The following FLNA variants were observed in gnomAD, a reference collection of about 807,000 sequenced individuals.
FLNA encodes filamin-A.
FLNA carries 7 observed loss-of-function variants against 157.6 expected under a neutral mutation model. That is an observed-to-expected ratio of 0.04 (90% CI 0.03 to 0.08). The LOEUF (loss-of-function observed/expected upper bound fraction) is 0.08, where lower values mean the gene tolerates loss of function less well. FLNA is among the 10% of genes least tolerant of loss of function. The pLI, the probability that FLNA is intolerant of heterozygous loss-of-function variation, is 1.00. For missense variants in FLNA, 1,750 were observed against 2,398.4 expected (o/e 0.73, Z 5.65); for synonymous variants, 1,103 against 1,060.8 (o/e 1.04, Z -0.77).
intron 1 of FLNA, among the ~76,000 whole-genome samples, chrX:154,372,842 G>A (rs1162064468): frequency 3.6e-5 from 4 of 110,895 alleles, no homozygotes; most frequent in African/African-American, 9.9e-5. Flanking sequence ...TGGCCAGCAC[G>A]TCATGCCCAA....
At position 154,361,910 on chromosome X, in the gene FLNA, G is replaced by A. The variant is rs185633420; in HGVS notation, c.2826+69C>T. The A allele has an allele frequency of 2.4e-3, 2,704 of 1,150,019 alleles. 7 individuals carry two copies. Among genetic ancestry groups the A allele is most frequent in the Non-Finnish European group, 2.8e-3 (2,375 of 841,142 alleles). 94.8% of individuals were successfully genotyped at this position (1,150,019 alleles called of 1,213,427 possible). A position where few individuals can be genotyped will look rare whatever the true frequency, so the allele number is the denominator to read the frequency against. ...AATGAGAGTGGGCAGAAAGTCCCTC[G>A]GAGCTGTCCCCTAGGCTGCTGCATG... On this transcript the variant is annotated intron_variant, in intron 19 of 47. Transcript: ENST00000369850.
At chrX:154,363,247 T>C (rs2148115079) in intron 15 of FLNA, among the ~76,000 whole-genome samples, 1 of 110,352 alleles carries the variant, frequency 9.1e-6, no homozygotes, top group African/African-American at 3.3e-5. Flanking sequence ...AGAAACCCCG[T>C]CTCTACTAAA....
chrX:154,366,541 C>A, intron 7 of FLNA, 21 bp downstream of exon 7: 2 of 1,206,737 alleles, frequency 1.7e-6, no homozygotes, highest in Non-Finnish European at 2.2e-6. Flanking sequence ...TCACAAGCCT[C>A]CCCCCTGGCC....
Position 154,351,871 on chromosome X carries a change from G to A in FLNA, c.6907+13C>T, listed in dbSNP as rs781785987. On this transcript the variant is annotated intron_variant, in intron 42 of 47. Transcript: ENST00000369850. ...GGCCCCACCTCCTCCAACCCCAGCCGGGTTCCCAGTACCTGGCTCCTGGAC... is the reference window on the plus strand; with the variant it reads ...GGCCCCACCTCCTCCAACCCCAGCCAGGTTCCCAGTACCTGGCTCCTGGAC... 57 of 1,208,707 alleles carry A rather than the reference G, an allele frequency of 4.7e-5. No homozygotes were observed. The highest frequency in any genetic ancestry group is 5.9e-5 in the Non-Finnish European group (53 of 894,424).
rs2148106743 is a variant in FLNA at position 154,354,401 on chromosome X, ATGG to A, written c.5393_5395del (p.Thr1798del). 4.1e-6 allele frequency: 5 copies of A among 1,211,401 alleles called. No individual in the cohort carries two copies. The highest frequency in any genetic ancestry group is 5.6e-6 in the Non-Finnish European group (5 of 895,370). On this transcript the variant is annotated inframe_deletion, in exon 33 of 48. Coordinates refer to ENST00000369850, the MANE Select transcript of FLNA (RefSeq NM_001110556.2). ...CTCACCTGTGATCTCGCCCTTCTTG[ATGG>A]TGAAGGGGATGACAAGGTCAAAGGG...
Position 154,348,922 on chromosome X carries a change from C to G in FLNA, c.7871G>C (p.Gly2624Ala). Residue 2624 changes from glycine (G) to alanine (A), a missense_variant, in exon 48 of 48, where the codon GGG becomes GCG. By Grantham distance (60) the Gly-to-Ala change is moderately conservative. Transcript: ENST00000369850. ...CCATTTGACCACCAGTGTGTACTCC[C>G]CCTTGTCCTTGAGCAGGTAGGACAC... ...YSVSYLLKDK[G>A]EYTLVVKWGD... 1 of 1,211,306 alleles carries G rather than the reference C, an allele frequency of 8.3e-7. No homozygotes were observed. Among genetic ancestry groups the G allele is most frequent in the Non-Finnish European group, 1.1e-6 (1 of 895,128 alleles).
Position 154,366,097 on chromosome X carries a change from G to T in FLNA, c.1356C>A (p.Gly452=). 1 of 1,210,281 alleles carries T rather than the reference G, an allele frequency of 8.3e-7. No homozygotes were observed. ...YRCSYQPTME[G]VHTVHVTFAG... ...CAAACGTGACGTGCACGGTGTGGAC[G>T]CCCTCCATGGTGGGCTGGTAGCTGC... The change falls in exon 9 of 48, where the codon GGC becomes GGA. Residue 452 remains glycine, a synonymous_variant. Coordinates refer to ENST00000369850, the MANE Select transcript of FLNA (RefSeq NM_001110556.2).
In FLNA at chrX:154,353,546, C is replaced by T; in HGVS notation, c.5860+8G>A. Reference sequence around the variant, plus strand: ...CCCGTTTCTGTCACTGCTCCCAGTGCCACCCACCTGTGACCCGAGCAGTGA... The same window carrying T: ...CCCGTTTCTGTCACTGCTCCCAGTGTCACCCACCTGTGACCCGAGCAGTGA... On this transcript the variant is annotated splice_region_variant and intron_variant, in intron 36 of 47. Coordinates refer to ENST00000369850, the MANE Select transcript of FLNA (RefSeq NM_001110556.2). 1 of 1,211,035 alleles carries T rather than the reference C, an allele frequency of 8.3e-7. No homozygotes were observed. Among genetic ancestry groups the T allele is most frequent in the African/African-American group, 1.7e-5 (1 of 57,974 alleles).
chrX:154,359,377 G>C lies in FLNA; in HGVS notation c.4172C>G (p.Ala1391Gly). 1.7e-6 allele frequency: 2 copies of C among 1,211,363 alleles called. No homozygotes were observed. The highest frequency in any genetic ancestry group is 3.5e-5 in the South Asian group (2 of 57,055). The change falls in exon 25 of 48, where the codon GCT (alanine) becomes GGT (glycine). Residue 1391 changes from alanine to glycine, a missense_variant. Ala to Gly is a moderately conservative substitution (Grantham distance 60, BLOSUM62 0). Around this residue, in one of 5 missense-constraint regions of FLNA, gnomAD observed 970 missense variants for 1,302.6 expected, o/e 0.74. Transcript: ENST00000369850. ...CTTGGCCTCGGAGGGGCCCTCTACAGCCAGGCCCAGGCCGCCCGTGCCAGC... is the reference window on the plus strand; with the variant it reads ...CTTGGCCTCGGAGGGGCCCTCTACACCCAGGCCCAGGCCGCCCGTGCCAGC... ...RGAGTGGLGL[A>G]VEGPSEAKMS...
In FLNA at chrX:154,364,366, C is replaced by T. The variant is rs1311379577; in HGVS notation, c.2029G>A (p.Ala677Thr). The T allele has an allele frequency of 8.3e-7, 1 of 1,209,780 alleles. No individual in the cohort carries two copies. The highest frequency in any genetic ancestry group is 1.8e-5 in the South Asian group (1 of 56,966). Residue 677 changes from alanine (A) to threonine (T), a missense_variant, in exon 14 of 48, where the codon GCA becomes ACA. Physicochemically the swap from Ala to Thr is moderately conservative, Grantham distance 58 (BLOSUM62 0). Coordinates refer to ENST00000369850, the MANE Select transcript of FLNA (RefSeq NM_001110556.2). ...PQDFHPDRVK[A>T]RGPGLEKTGV... ...GTCTTCTCCAATCCAGGCCCACGTGCCTTCACCTAGCGGGAGACCACCCAG... is the reference window on the plus strand; with the variant it reads ...GTCTTCTCCAATCCAGGCCCACGTGTCTTCACCTAGCGGGAGACCACCCAG...
intron 28 of FLNA, 40 bp from the exon 29 acceptor site, chrX:154,357,663 G>A (rs782227803): frequency 7.8e-6 from 9 of 1,153,841 alleles, no homozygotes; most frequent in South Asian, 5.5e-5. Flanking sequence ...GCCCAAGCCC[G>A]AGTAGCCCCG....
chrX:154,364,601 G>C lies in FLNA; in HGVS notation c.1947C>G (p.Cys649Trp). The change falls in exon 13 of 48, where the codon TGC becomes TGG. Residue 649 changes from cysteine to tryptophan, a missense_variant. Transcript: ENST00000369850. ...GGCTGAGGCGGATGTCTTCGCTGTT[G>C]CACAGCACGTGAACGGCATACTCGC... ...EAGEYAVHVL[C>W]NSEDIRLSPF... 1 of 1,211,067 alleles carries C rather than the reference G, an allele frequency of 8.3e-7. No individual in the cohort carries two copies. Among genetic ancestry groups the C allele is most frequent in the Non-Finnish European group, 1.1e-6 (1 of 895,376 alleles).
rs781892077 is a variant in FLNA, at chrX:154,352,834, T to C, written c.6317A>G (p.Tyr2106Cys). ...DLEDGTCRVT[Y>C]CPTEPGNYII... Reference sequence around the variant, plus strand: ...GTAGTTGCCTGGCTCTGTGGGGCAGTAGGTGACCCTGCACGTCCCGTCCTC... The same window carrying C: ...GTAGTTGCCTGGCTCTGTGGGGCAGCAGGTGACCCTGCACGTCCCGTCCTC... The change falls in exon 39 of 48, where the codon TAC becomes TGC. Residue 2106 changes from tyrosine (Y) to cysteine (C), a missense_variant. Physicochemically the swap from Tyr to Cys is radical, Grantham distance 194. Coordinates refer to ENST00000369850, the MANE Select transcript of FLNA (RefSeq NM_001110556.2). 5.0e-6 allele frequency: 6 copies of C among 1,211,110 alleles called. No homozygotes were observed. The East Asian group carries it at 8.9e-5, about 18-fold the overall frequency.
At chrX:154,349,604 G>A in intron 46 of FLNA, 39 bp from the exon 47 acceptor site, 2 of 1,210,073 alleles carry the variant, frequency 1.7e-6, no homozygotes, top group Non-Finnish European at 2.2e-6. Flanking sequence ...GGTGGCTGTG[G>A]TGCCGGGCGT....
At chrX:154,363,002 T>C (rs1557178439) in intron 15 of FLNA, among the ~76,000 whole-genome samples, 1 of 112,868 alleles carries the variant, frequency 8.9e-6, no homozygotes, top group African/African-American at 3.2e-5. Flanking sequence ...ACACCTGGAC[T>C]CACTGTTAAC....
chrX:154,368,720 T>G (rs782408574), intron 2 of FLNA, among the ~76,000 whole-genome samples: 6 of 112,513 alleles, frequency 5.3e-5, no homozygotes, highest in Non-Finnish European at 1.1e-4. Context: ...AGACTCAAGC[T>G]TGGAGTTGGG....
rs782155641 is a variant in FLNA, at chrX:154,364,900, G to A, written c.1749C>T (p.Gly583=). The change falls in exon 12 of 48, where the codon GGC becomes GGT. Residue 583 remains glycine, a synonymous_variant. Coordinates refer to ENST00000369850, the MANE Select transcript of FLNA (RefSeq NM_001110556.2). ...CAACGACGCCGCCCTCCAGCCCAGG[G>A]CCCCAGGCCCGTACCTTCTGATTGC... ...ECGNQKVRAW[G]PGLEGGVVGK... 165 of 1,210,019 alleles carry A rather than the reference G, an allele frequency of 1.4e-4. No homozygotes were observed. The East Asian group carries it at 4.9e-3, about 36-fold the overall frequency.
chrX:154,353,448 G>A lies in FLNA; in HGVS notation c.5870C>T (p.Ser1957Phe), dbSNP rs781962741. The change falls in exon 37 of 48, where the codon TCC becomes TTC. Residue 1957 changes from serine (S) to phenylalanine (F), a missense_variant. Coordinates refer to ENST00000369850, the MANE Select transcript of FLNA (RefSeq NM_001110556.2). The part of the protein sequence containing the change: ...PFTARVTGDD[S>F]MRMSHLKVGS... ...GACCTTTAGGTGGGACATACGCATG[G>A]AGTCGTCACCTGGTGGGGACAGGCC... 1.7e-6 allele frequency: 2 copies of A among 1,210,357 alleles called. No homozygotes were observed. Among genetic ancestry groups the A allele is most frequent in the African/African-American group, 1.7e-5 (1 of 57,439 alleles).
chrX:154,364,757 C>A, intron 12 of FLNA, 38 bp from the exon 13 acceptor site: 1 of 1,209,952 alleles, frequency 8.3e-7, no homozygotes, highest in Non-Finnish European at 1.1e-6. Context: ...GCCCTGGAGC[C>A]TCAGGGTGGG....
Sources: gnomAD v4.1 joint callset for allele counts (sites outside exome capture counted in the v4.1 genomes callset) on GRCh38, gnomAD v4.1.1 for gene constraint, gnomAD v4.1.1 regional missense constraint, MANE v1.5 for transcripts, NCBI Gene and HGNC (gene_info 2026-07-23, HGNC 2026-07-21) for gene names.